ALOX5: variants seen among roughly 807,000 people sequenced by gnomAD.
The protein encoded by ALOX5 is arachidonate 5-lipoxygenase, also known as polyunsaturated fatty acid 5-lipoxygenase.
In ALOX5, 64 loss-of-function variants were observed where a neutral mutation model predicts 87.9. The observed-to-expected ratio is 0.73, with a 90% CI of 0.60 to 0.90. The LOEUF (loss-of-function observed/expected upper bound fraction) is 0.90. ALOX5 is among the 40% of genes least tolerant of loss of function. ALOX5 has a pLI of 0.00. For synonymous variants in ALOX5, 388 were observed against 355.1 expected (o/e 1.09, Z -1.04); for missense variants, 822 against 907.5 (o/e 0.91, Z 1.21).
At chr10:45,428,824 T>A in intron 7 of ALOX5, 60 bp downstream of exon 7, 1 of 1,595,202 alleles carries the variant, frequency 6.3e-7, no homozygotes, top group Non-Finnish European at 8.6e-7. Context: ...CCAGGGCTCC[T>A]GGGTGGCTCC....
At chr10:45,434,902 G>A (rs890289876) in intron 7 of ALOX5, among the ~76,000 whole-genome samples, 1 of 152,124 alleles carries the variant, frequency 6.6e-6, no homozygotes, top group Non-Finnish European at 1.5e-5. Flanking sequence ...AAGATGAGAT[G>A]ATGTTTTCTT....
Position 45,374,248 on chromosome 10 carries a change from T to A in ALOX5, c.-32T>A. 6.9e-7 allele frequency: 1 copy of A among 1,452,634 alleles called. No homozygotes were observed. The highest frequency in any genetic ancestry group is 9.1e-7 in the Non-Finnish European group (1 of 1,101,972). The allele number at this position is 1,452,634 out of a possible 1,614,324, so 90.0% of individuals were successfully genotyped here. A position where few individuals can be genotyped will look rare whatever the true frequency, so the allele number is the denominator to read the frequency against. ...GACACCTGGACCGCCGCGCCGAGGCTCCCGGCGCTCGCTGCTCCCGCGGCC... is the reference window on the plus strand; with the variant it reads ...GACACCTGGACCGCCGCGCCGAGGCACCCGGCGCTCGCTGCTCCCGCGGCC... On this transcript the variant is annotated 5_prime_UTR_variant, in exon 1 of 14. Coordinates refer to ENST00000374391, the MANE Select transcript of ALOX5 (RefSeq NM_000698.5).
Position 45,444,307 on chromosome 10 carries a change from G to A in ALOX5, c.1845+21G>A, listed in dbSNP as rs28395873. 5.6e-4 allele frequency: 861 copies of A among 1,541,800 alleles called. 5 individuals are homozygous for A. The African/African-American group carries it at 0.01, about 18-fold the overall frequency. On this transcript the variant is annotated intron_variant, in intron 13 of 13. Coordinates refer to ENST00000374391, the MANE Select transcript of ALOX5 (RefSeq NM_000698.5). ...ACGAGGTGAAGCTGGGCAGGGCGGG[G>A]CACAGCCCCAGGTCACCCCAGGTTA...
chr10:45,393,527 C>T (rs1840377170), intron 2 of ALOX5, among the ~76,000 whole-genome samples: 1 of 152,114 alleles, frequency 6.6e-6, no homozygotes, highest in Non-Finnish European at 1.5e-5. Context: ...GGAAGCATTC[C>T]CTTTGAAAAC....
intron 1 of ALOX5, among the ~76,000 whole-genome samples, chr10:45,378,117 C>A (rs1200110105): frequency 6.6e-6 from 1 of 152,134 alleles, no homozygotes; most frequent in Non-Finnish European, 1.5e-5. Context: ...CTACCCATGC[C>A]CATCCTCCTA....
intron 2 of ALOX5, among the ~76,000 whole-genome samples, chr10:45,395,113 C>A (rs2132715432): frequency 6.6e-6 from 1 of 152,040 alleles, no homozygotes; most frequent in East Asian, 1.9e-4. Context: ...TGGGTATATA[C>A]CCAAAGGATT....
chr10:45,424,270 A>C, intron 5 of ALOX5, 123 bp downstream of exon 5: 1 of 793,510 alleles, frequency 1.3e-6, no homozygotes, highest in Non-Finnish European at 2.2e-6. Flanking sequence ...CCTCGCTGCC[A>C]CCATGCCACC....
At chr10:45,441,301 C>A in intron 8 of ALOX5, 43 bp from the exon 9 acceptor site, 1 of 1,581,964 alleles carries the variant, frequency 6.3e-7, no homozygotes. Flanking sequence ...ACCAGGTCAC[C>A]TGACTGGGCC....
rs773980046 is a variant in ALOX5, at chr10:45,382,554, G to A, written c.222G>A (p.Lys74=). Residue 74 remains lysine, a synonymous_variant, in exon 2 of 14, where the codon AAG becomes AAA. Coordinates refer to ENST00000374391, the MANE Select transcript of ALOX5 (RefSeq NM_000698.5). The part of the protein sequence containing the change: ...EIQLVRIEKR[K]YWLNDDWYLK... ...AGCTGGTCAGAATCGAGAAGCGCAA[G>A]TACTGGCTGAATGACGACTGGTACC... The A allele has an allele frequency of 6.2e-7, 1 of 1,614,210 alleles. No homozygotes were observed. Among genetic ancestry groups the A allele is most frequent in the South Asian group, 1.1e-5 (1 of 91,084 alleles).
chr10:45,434,653 T>C (rs1391905546), intron 7 of ALOX5, among the ~76,000 whole-genome samples: 2 of 152,354 alleles, frequency 1.3e-5, no homozygotes, highest in Non-Finnish European at 2.9e-5. Context: ...GTCTCACTTA[T>C]GTAAAATGAA....
At position 45,443,809 on chromosome 10, in the gene ALOX5, C is replaced by A; in HGVS notation, c.1655C>A (p.Ala552Asp). Residue 552 changes from alanine (A) to aspartate (D), a missense_variant, in exon 12 of 14, where the codon GCC (alanine) becomes GAC (aspartate). Coordinates refer to ENST00000374391, the MANE Select transcript of ALOX5 (RefSeq NM_000698.5). ...VVIFTASAQH[A>D]AVNFGQYDWC... ...ATCTTCACCGCCTCCGCCCAGCACG[C>A]CGCGGTCAACTTCGGCCAGGTAGGC... is the stretch of plus-strand genomic sequence containing the variant. 6.2e-7 allele frequency: 1 copy of A among 1,608,924 alleles called. No individual in the cohort carries two copies. Among genetic ancestry groups the A allele is most frequent in the East Asian group, 2.2e-5 (1 of 44,512 alleles).
chr10:45,443,902 A>C, intron 12 of ALOX5, 74 bp downstream of exon 12: 2 of 1,503,290 alleles, frequency 1.3e-6, no homozygotes, highest in Middle Eastern at 2.2e-4. Flanking sequence ...CCGGTTCTGC[A>C]CGCGTACTGC....
chr10:45,443,304 C>G (rs772271784), intron 10 of ALOX5, 88 bp downstream of exon 10: 1 of 1,579,842 alleles, frequency 6.3e-7, no homozygotes, highest in East Asian at 2.2e-5. Context: ...CCACCGCTAG[C>G]GCTGAATGGG....
At chr10:45,415,363 C>T (rs1248208559) in intron 4 of ALOX5, among the ~76,000 whole-genome samples, 1 of 152,086 alleles carries the variant, frequency 6.6e-6, no homozygotes, top group Non-Finnish European at 1.5e-5. Context: ...CATGTTCTCA[C>T]TCATAGGTGG....
chr10:45,418,856 G>C (rs1404132071), intron 4 of ALOX5, among the ~76,000 whole-genome samples: 1 of 152,246 alleles, frequency 6.6e-6, no homozygotes, highest in Non-Finnish European at 1.5e-5. Context: ...GGGCTGAAAA[G>C]ACAATGTCCT....
At chr10:45,401,479 A>G (rs1443231611) in intron 3 of ALOX5, among the ~76,000 whole-genome samples, 1 of 152,180 alleles carries the variant, frequency 6.6e-6, no homozygotes, top group African/African-American at 2.4e-5. Context: ...ACTTTGTCTT[A>G]TTCACTTTTT....
intron 13 of ALOX5, among the ~76,000 whole-genome samples, chr10:45,445,191 G>T (rs758078026): frequency 4.6e-5 from 7 of 152,210 alleles, no homozygotes; most frequent in Non-Finnish European, 1.0e-4. Flanking sequence ...AAGACAGCAG[G>T]ATACCATGGC....
intron 3 of ALOX5, among the ~76,000 whole-genome samples, chr10:45,396,679 A>G (rs1267657131): frequency 1.3e-5 from 2 of 152,254 alleles, no homozygotes; most frequent in African/African-American, 4.8e-5. Context: ...CTGATCTTGC[A>G]TAAACTCTTT....
chr10:45,380,616 A>C (rs1839792247), intron 1 of ALOX5, among the ~76,000 whole-genome samples: 1 of 152,184 alleles, frequency 6.6e-6, no homozygotes, highest in Admixed American at 6.5e-5. Flanking sequence ...GCCAGGGATA[A>C]AGTTCAAGGG....
Sources: allele counts gnomAD v4.1 joint callset (sites outside exome capture counted in the v4.1 genomes callset), GRCh38; gene constraint gnomAD v4.1.1; transcripts MANE v1.5; gene names NCBI Gene and HGNC (gene_info 2026-07-23, HGNC 2026-07-21).